Variants in ARHGAP18 observed in about 807,000 individuals in gnomAD.
The protein encoded by ARHGAP18 is Rho GTPase activating protein 18.
A neutral mutation model predicts 86.2 loss-of-function variants in ARHGAP18; 67 were observed. The observed-to-expected ratio is 0.78, with a 90% CI of 0.64 to 0.95. The LOEUF (loss-of-function observed/expected upper bound fraction) is 0.95, where lower values mean the gene tolerates loss of function less well. Among genes scored for constraint, ARHGAP18 ranks in the 40% least tolerant of loss-of-function variants. The probability of loss-of-function intolerance (pLI) is 0.00; values close to 1 mark genes in which losing one functional copy is unlikely to be tolerated. For missense variants in ARHGAP18, 691 were observed against 780.4 expected, an observed-to-expected ratio of 0.89 and a Z score of 1.37; for synonymous variants, 283 against 280.4, an observed-to-expected ratio of 1.01 and a Z score of -0.09.
chr6:129,613,260 A>G (rs958358795), intron 7 of ARHGAP18, among the ~76,000 whole-genome samples: 20 of 151,972 alleles, frequency 1.3e-4, no homozygotes, highest in African/African-American at 4.6e-4. Context: ...GAAAAGAAAA[A>G]AAATTTCTGG....
intron 12 of ARHGAP18, among the ~76,000 whole-genome samples, chr6:129,597,874 G>A (rs926685320): frequency 6.6e-6 from 1 of 152,232 alleles, no homozygotes; most frequent in East Asian, 1.9e-4. Flanking sequence ...ATGCCAAAGT[G>A]CAAACTAAAG....
Position 129,618,820 on chromosome 6 carries a change from G to A in ARHGAP18, c.819C>T (p.Thr273=). The A allele has an allele frequency of 1.2e-6, 2 of 1,612,310 alleles. No individual in the cohort carries two copies. Among genetic ancestry groups the A allele is most frequent in the Non-Finnish European group, 1.7e-6 (2 of 1,179,470 alleles). Residue 273 remains threonine (T), a synonymous_variant, in exon 6 of 15, where the codon ACC becomes ACT. Transcript: ENST00000368149. ...SFRLPKDKTG[T]TRIGDLAPQD... ...GGGGTGCGAGGTCACCAATCCTTGTGGTACCCGTTTTGTCTTTTGGCAATC... is the reference window on the plus strand; with the variant it reads ...GGGGTGCGAGGTCACCAATCCTTGTAGTACCCGTTTTGTCTTTTGGCAATC...
intron 1 of ARHGAP18, among the ~76,000 whole-genome samples, chr6:129,705,881 G>A (rs1373355045): frequency 6.6e-6 from 1 of 152,118 alleles, no homozygotes; most frequent in East Asian, 1.9e-4. Flanking sequence ...TGAGAGAGCT[G>A]GGATATGACC....
intron 1 of ARHGAP18, among the ~76,000 whole-genome samples, chr6:129,654,020 G>A (rs1773775856): frequency 6.6e-6 from 1 of 152,156 alleles, no homozygotes; most frequent in Non-Finnish European, 1.5e-5. Flanking sequence ...TTCAGCCTGG[G>A]TGACAGAGCG....
At chr6:129,685,249 G>A (rs999048295) in intron 1 of ARHGAP18, among the ~76,000 whole-genome samples, 13 of 152,156 alleles carry the variant, frequency 8.5e-5, no homozygotes, top group African/African-American at 3.1e-4. Flanking sequence ...GCTCACATGT[G>A]TAATCCCAGT....
At chr6:129,654,492 T>G (rs1359155276) in intron 1 of ARHGAP18, among the ~76,000 whole-genome samples, 1 of 152,220 alleles carries the variant, frequency 6.6e-6, no homozygotes, top group African/African-American at 2.4e-5. Context: ...ACTGCTTACC[T>G]ATTTTTCACA....
chr6:129,604,812 G>T (rs1167845039), intron 10 of ARHGAP18, among the ~76,000 whole-genome samples: 3 of 152,206 alleles, frequency 2.0e-5, no homozygotes. Context: ...CCCTTTGGAA[G>T]TTCTCCTGTA....
intron 5 of ARHGAP18, among the ~76,000 whole-genome samples, chr6:129,628,627 G>A (rs1001649513): frequency 2.0e-5 from 3 of 152,108 alleles, no homozygotes; most frequent in Non-Finnish European, 4.4e-5. Context: ...GCAATCGAAG[G>A]CATAAACATC....
chr6:129,675,603 C>T (rs962487285), intron 1 of ARHGAP18, among the ~76,000 whole-genome samples: 2 of 152,156 alleles, frequency 1.3e-5, no homozygotes, highest in South Asian at 2.1e-4. Context: ...CTCTCTGGAA[C>T]ATCTCTTGCA....
At chr6:129,584,748 C>T (rs1234510523) in intron 12 of ARHGAP18, among the ~76,000 whole-genome samples, 6 of 151,996 alleles carry the variant, frequency 3.9e-5, no homozygotes, top group African/African-American at 1.2e-4. Flanking sequence ...TCAGCTATAG[C>T]GTTAGAAATA....
chr6:129,600,637 C>G lies in ARHGAP18; in HGVS notation c.1572+5G>C. ...CTAAGACCAAAGCATATGATATATA[C>G]TTACTGTCCACAGAAGTTTTTGGTA... On this transcript the variant is annotated splice_donor_5th_base_variant and intron_variant, in intron 11 of 14. Transcript: ENST00000368149. 1 of 1,611,534 alleles carries G rather than the reference C, an allele frequency of 6.2e-7. No homozygotes were observed. The highest frequency in any genetic ancestry group is 8.5e-7 in the Non-Finnish European group (1 of 1,178,084).
chr6:129,604,639 C>T, intron 10 of ARHGAP18, among the ~76,000 whole-genome samples: 1 of 152,296 alleles, frequency 6.6e-6, no homozygotes, highest in African/African-American at 2.4e-5. Flanking sequence ...TCTACACACA[C>T]TTACACAGTA....
intron 1 of ARHGAP18, among the ~76,000 whole-genome samples, chr6:129,678,275 T>G (rs1021536380): frequency 1.3e-5 from 2 of 152,206 alleles, no homozygotes; most frequent in African/African-American, 2.4e-5. Context: ...TGAGCACATA[T>G]CTGAACTTAA....
intron 6 of ARHGAP18, among the ~76,000 whole-genome samples, chr6:129,616,731 T>G (rs1322800559): frequency 6.6e-6 from 1 of 152,136 alleles, no homozygotes; most frequent in African/African-American, 2.4e-5. Context: ...GAGGATTGCT[T>G]GAGCCCAGGA....
intron 12 of ARHGAP18, among the ~76,000 whole-genome samples, chr6:129,596,389 T>C (rs890130543): frequency 5.2e-4 from 79 of 152,298 alleles, no homozygotes; most frequent in Non-Finnish European, 1.8e-4. Context: ...GCCCTTCTTC[T>C]TGTCTTTGCT....
intron 6 of ARHGAP18, among the ~76,000 whole-genome samples, chr6:129,616,806 A>G (rs78310156): frequency 6.6e-6 from 1 of 152,040 alleles, no homozygotes; most frequent in East Asian, 1.9e-4. Context: ...ATAAAAAAAA[A>G]TTAGGCAGGT....
At chr6:129,643,330 T>C (rs1291462520) in intron 1 of ARHGAP18, among the ~76,000 whole-genome samples, 3 of 152,162 alleles carry the variant, frequency 2.0e-5, no homozygotes, top group Non-Finnish European at 4.4e-5. Context: ...GCAGTTACTT[T>C]CATGCTGTTC....
chr6:129,578,520 G>A lies in ARHGAP18; in HGVS notation c.1985C>T (p.Pro662Leu), dbSNP rs767011461. 1 of 1,610,964 alleles carries A rather than the reference G, an allele frequency of 6.2e-7. No homozygotes were observed. Among genetic ancestry groups the A allele is most frequent in the Admixed American group, 1.7e-5 (1 of 59,822 alleles). ...TGCAGCTTGTTAAGTCTTCTACAAT[G>A]GCTTTGACTTTATAACCCACTCAGC... The part of the protein sequence containing the change: ...PNAEWVIKSK[P>L]L The change falls in exon 15 of 15, where the codon CCA becomes CTA. Residue 662 changes from proline (P) to leucine (L), a missense_variant. Pro to Leu is a moderately conservative substitution (Grantham distance 98). Coordinates refer to ENST00000368149, the MANE Select transcript of ARHGAP18 (RefSeq NM_033515.3).
chr6:129,625,377 TATATATTATATATTTATAC>T (rs1300233932), intron 5 of ARHGAP18, among the ~76,000 whole-genome samples: 3 of 82,518 alleles, frequency 3.6e-5, no homozygotes, highest in African/African-American at 1.2e-4. Context: ...TTATATATAT[TATATATTATATATTTATAC>T]ATATGTATTA....
Sources: gnomAD v4.1 joint callset for allele counts (sites outside exome capture counted in the v4.1 genomes callset) on GRCh38, gnomAD v4.1.1 for gene constraint, MANE v1.5 for transcripts, NCBI Gene and HGNC (gene_info 2026-07-23, HGNC 2026-07-21) for gene names.